LAMB4: variants seen among roughly 807,000 people sequenced by gnomAD.
The protein encoded by LAMB4 is laminin subunit beta-4.
LAMB4 carries 196 observed loss-of-function variants against 199.2 expected under a neutral mutation model. The ratio of observed to expected loss-of-function variants is 0.98; its 90% CI spans 0.88 to 1.11. LAMB4 has a LOEUF of 1.11. Among genes scored for constraint, LAMB4 ranks in the 50% least tolerant of loss-of-function variants. LAMB4 has a pLI of 0.00. For missense variants in LAMB4, 2,080 were observed against 2,171.2 expected (o/e 0.96, Z 0.83); for synonymous variants, 744 against 770.6 (o/e 0.97, Z 0.57).
intron 17 of LAMB4, among the ~76,000 whole-genome samples, chr7:108,072,386 T>C (rs1024919602): frequency 3.3e-5 from 5 of 152,186 alleles, no homozygotes; most frequent in African/African-American, 1.2e-4. Flanking sequence ...TTTCCTTTTG[T>C]TTTTCCTTTG....
At chr7:108,039,869 C>G (rs2035360334) in intron 29 of LAMB4, among the ~76,000 whole-genome samples, 1 of 152,316 alleles carries the variant, frequency 6.6e-6, no homozygotes, top group Non-Finnish European at 1.5e-5. Flanking sequence ...CAAGGATGCC[C>G]TCTCTTACCA....
intron 25 of LAMB4, 86 bp from the exon 26 acceptor site, chr7:108,052,343 T>C: frequency 5.9e-6 from 6 of 1,019,908 alleles, no homozygotes; most frequent in Non-Finnish European, 8.3e-6. Flanking sequence ...ATTGCCCTCA[T>C]TGTTAGGAAT....
chr7:108,079,556 T>G, intron 15 of LAMB4, 45 bp downstream of exon 15: 1 of 1,464,000 alleles, frequency 6.8e-7, no homozygotes, highest in Non-Finnish European at 9.3e-7. Context: ...CAAGAATGTA[T>G]TTCTGTCAGC....
At chr7:108,105,315 C>T (rs2037963027) in intron 8 of LAMB4, among the ~76,000 whole-genome samples, 1 of 152,162 alleles carries the variant, frequency 6.6e-6, no homozygotes, top group African/African-American at 2.4e-5. Flanking sequence ...TTGGATTGAA[C>T]ATTTTACGAT....
chr7:108,031,364 G>GAAAAAAAAA (rs2035031522), intron 31 of LAMB4, among the ~76,000 whole-genome samples: 1 of 87,446 alleles, frequency 1.1e-5, no homozygotes, highest in Admixed American at 1.1e-4. Flanking sequence ...AAAGAAAAAG[G>GAAAAAAAAA]AAAAGAAAAA....
At chr7:108,096,233 T>G (rs1490244012) in intron 11 of LAMB4, among the ~76,000 whole-genome samples, 1 of 152,240 alleles carries the variant, frequency 6.6e-6, no homozygotes, top group Non-Finnish European at 1.5e-5. Flanking sequence ...TCTGGGTACC[T>G]CATATAAGTG....
intron 3 of LAMB4, among the ~76,000 whole-genome samples, chr7:108,112,385 G>A (rs2038260136): frequency 6.6e-6 from 1 of 151,426 alleles, no homozygotes; most frequent in Non-Finnish European, 1.5e-5. Flanking sequence ...GCAATCTCCT[G>A]GGTTCAAGAG....
intron 12 of LAMB4, among the ~76,000 whole-genome samples, chr7:108,093,559 T>A (rs1040379777): frequency 6.6e-6 from 1 of 152,222 alleles, no homozygotes. Context: ...TGAATCCATA[T>A]GAGAGAGTCA....
At chr7:108,126,847 C>G (rs112047870) in intron 1 of LAMB4, among the ~76,000 whole-genome samples, 1 of 152,014 alleles carries the variant, frequency 6.6e-6, no homozygotes, top group African/African-American at 2.4e-5. Context: ...GGATTACAGG[C>G]GTGAGCCACC....
At chr7:108,078,078 T>C (rs977301585) in intron 16 of LAMB4, 123 bp downstream of exon 16, 1 of 667,300 alleles carries the variant, frequency 1.5e-6, no homozygotes, top group Non-Finnish European at 2.7e-6. Context: ...AGTAAGTGCT[T>C]AATATATGTT....
intron 29 of LAMB4, 86 bp downstream of exon 29, chr7:108,043,666 G>A (rs1450237870): frequency 8.9e-6 from 4 of 450,176 alleles, no homozygotes; most frequent in Non-Finnish European, 1.2e-5. Context: ...TGCAAGCTCC[G>A]CCTCCTGGGT....
intron 25 of LAMB4, among the ~76,000 whole-genome samples, 154 bp downstream of exon 25, chr7:108,055,478 C>A (rs929857725): frequency 2.0e-5 from 3 of 152,124 alleles, no homozygotes; most frequent in Non-Finnish European, 4.4e-5. Flanking sequence ...TGAGCTATGG[C>A]GCCCGGCCCA....
Position 108,107,680 on chromosome 7 carries a change from A to G in LAMB4, c.542T>C (p.Ile181Thr). The change falls in exon 6 of 34, where the codon ATT becomes ACT. Residue 181 changes from isoleucine to threonine, a missense_variant. Physicochemically the swap from Ile to Thr is moderately conservative, Grantham distance 89. Coordinates refer to ENST00000388781, the MANE Select transcript of LAMB4 (RefSeq NM_007356.3). ...ATCCGAGTATTTGGAGTCACAAACAATGTCTCCCACTCCCTGGGCCTGGCC... is the reference window on the plus strand; with the variant it reads ...ATCCGAGTATTTGGAGTCACAAACAGTGTCTCCCACTCCCTGGGCCTGGCC... The part of the protein sequence containing the change: ...TSGQAQGVGD[I>T]VCDSKYSDIE... 6.2e-7 allele frequency: 1 copy of G among 1,612,312 alleles called. No homozygotes were observed. Among genetic ancestry groups the G allele is most frequent in the Non-Finnish European group, 8.5e-7 (1 of 1,179,528 alleles).
At chr7:108,065,693 A>G in intron 21 of LAMB4, 69 bp downstream of exon 21, 1 of 1,316,288 alleles carries the variant, frequency 7.6e-7, no homozygotes, top group Admixed American at 2.0e-5. Context: ...AGTCATGAAT[A>G]TATGATCATT....
At chr7:108,127,522 T>C (rs907718533) in intron 1 of LAMB4, among the ~76,000 whole-genome samples, 1 of 152,228 alleles carries the variant, frequency 6.6e-6, no homozygotes, top group Admixed American at 6.5e-5. Context: ...GGGACTTTTC[T>C]GATATTCTCA....
chr7:108,054,617 C>T lies in LAMB4; in HGVS notation c.3755+1015G>A, dbSNP rs79663645. Among the ~76,000 whole-genome samples the T allele has an allele frequency of 2.0e-3, 301 of 152,200 alleles. 2 individuals are homozygous for T. The highest frequency in any genetic ancestry group is 6.9e-3 in the African/African-American group (288 of 41,522). On this transcript the variant is annotated intron_variant, in intron 25 of 33. Coordinates refer to ENST00000388781, the MANE Select transcript of LAMB4 (RefSeq NM_007356.3). ...GGGGTAGAAACTATACCCAATTCAT[C>T]CTGGTTTTGCCCTTAACAGGTTGGC...
chr7:108,029,150 G>A lies in LAMB4; in HGVS notation c.5039C>T (p.Thr1680Ile). ...CTCCTTTGTTAGTCCTGTAGTGCTT[G>A]TCTTACGTTGGAGAATAGCATATTG... Reference protein sequence around the residue: ...KKQYAILQRKTSTTGLTKETL... With the variant: ...KKQYAILQRKISTTGLTKETL... Residue 1680 changes from threonine to isoleucine, a missense_variant, in exon 33 of 34, where the codon ACA (threonine) becomes ATA (isoleucine). Physicochemically the swap from Thr to Ile is moderately conservative, Grantham distance 89. Coordinates refer to ENST00000388781, the MANE Select transcript of LAMB4 (RefSeq NM_007356.3). 6.2e-7 allele frequency: 1 copy of A among 1,613,476 alleles called. No individual in the cohort carries two copies.
At chr7:108,093,071 C>T (rs1020547978) in intron 12 of LAMB4, among the ~76,000 whole-genome samples, 1 of 152,158 alleles carries the variant, frequency 6.6e-6, no homozygotes, top group Non-Finnish European at 1.5e-5. Context: ...TGTGTAACTG[C>T]CTGTATTTTT....
At chr7:108,107,580 C>G in intron 6 of LAMB4, 51 bp downstream of exon 6, 1 of 1,404,214 alleles carries the variant, frequency 7.1e-7, no homozygotes, top group Non-Finnish European at 9.7e-7. Flanking sequence ...GTTAATTATA[C>G]TTTTTAAAAG....
Sources: allele counts gnomAD v4.1 joint callset (sites outside exome capture counted in the v4.1 genomes callset), GRCh38; gene constraint gnomAD v4.1.1; transcripts MANE v1.5; gene names NCBI Gene and HGNC (gene_info 2026-07-23, HGNC 2026-07-21).